Variants in MRTFB observed in about 807,000 individuals in gnomAD.
MRTFB encodes the protein myocardin-related transcription factor B.
MRTFB carries 29 observed loss-of-function variants against 104.2 expected under a neutral mutation model. That is an observed-to-expected ratio of 0.28 (90% confidence interval 0.21 to 0.38). MRTFB has a LOEUF of 0.38. MRTFB is among the 10% of genes least tolerant of loss of function. MRTFB has a pLI of 1.00. For synonymous variants in MRTFB, 535 were observed against 519.5 expected (o/e 1.03, Z -0.41); for missense variants, 1,270 against 1,341.6 (o/e 0.95, Z 0.83).
intron 2 of MRTFB, among the ~76,000 whole-genome samples, chr16:14,115,726 T>G (rs1329359299): frequency 6.6e-6 from 1 of 152,218 alleles, no homozygotes; most frequent in Non-Finnish European, 1.5e-5. Flanking sequence ...ATTCTGATTT[T>G]GCTGCGTATA....
chr16:14,193,078 G>A (rs1014609043), intron 3 of MRTFB, among the ~76,000 whole-genome samples: 1 of 151,790 alleles, frequency 6.6e-6, no homozygotes, highest in African/African-American at 2.4e-5. Context: ...CAGAAAGAGC[G>A]CAGCCTTGCT....
chr16:14,000,838 C>T, the MRTFB span, among the ~76,000 whole-genome samples: 1 of 152,246 alleles, frequency 6.6e-6, no homozygotes, highest in Admixed American at 6.5e-5. Flanking sequence ...GCTGGGACGA[C>T]ACAGTGTCAA....
Position 14,189,386 on chromosome 16 carries a change from G to T in MRTFB, c.155-20857G>T, listed in dbSNP as rs551081231. Among the ~76,000 whole-genome samples the T allele has an allele frequency of 2.1e-4, 32 of 152,136 alleles. No individual in the cohort carries two copies. In the South Asian group the frequency reaches 5.4e-3, roughly 26 times the overall value. On this transcript the variant is annotated intron_variant, in intron 3 of 16. Coordinates refer to ENST00000571589, the MANE Select transcript of MRTFB (RefSeq NM_001308142.2). ...TTACTTTATCTGCTTTTAAATATTG[G>T]GTCCTGCATCGTTTACATGAATCCA... is the stretch of plus-strand genomic sequence containing the variant.
chr16:14,242,184 C>G (rs1394327018), intron 10 of MRTFB, among the ~76,000 whole-genome samples: 1 of 152,018 alleles, frequency 6.6e-6, no homozygotes, highest in Non-Finnish European at 1.5e-5. Flanking sequence ...TTGAAACAGT[C>G]TTTTCTGTAA....
intron 3 of MRTFB, among the ~76,000 whole-genome samples, chr16:14,201,987 G>A (rs549044617): frequency 6.6e-6 from 1 of 152,142 alleles, no homozygotes; most frequent in Admixed American, 6.5e-5. Flanking sequence ...AGCAGATTAT[G>A]TTGTGAATGT....
chr16:14,247,080 G>T lies in MRTFB; in HGVS notation c.1820G>T (p.Arg607Leu). Reference sequence around the variant, plus strand: ...AAAATGCAACTTGAGGTTGAAAAACGAGGGCAGCAGCAGCGGCCCCTGGAA... The same window carrying T: ...AAAATGCAACTTGAGGTTGAAAAACTAGGGCAGCAGCAGCGGCCCCTGGAA... ...VLKMQLEVEK[R>L]GQQQRPLEAQ... The change falls in exon 12 of 17, where the codon CGA becomes CTA. Residue 607 changes from arginine to leucine, a missense_variant. Physicochemically the swap from Arg to Leu is moderately radical, Grantham distance 102. This residue lies in a region of MRTFB where 1,144 missense variants were observed against 1,131.5 expected (regional missense o/e 1.01). Coordinates refer to ENST00000571589, the MANE Select transcript of MRTFB (RefSeq NM_001308142.2). 6.2e-7 allele frequency: 1 copy of T among 1,614,190 alleles called. No homozygotes were observed. Among genetic ancestry groups the T allele is most frequent in the East Asian group, 2.2e-5 (1 of 44,886 alleles).
At chr16:14,016,231 A>G in the MRTFB span, among the ~76,000 whole-genome samples, 8 of 152,114 alleles carry the variant, frequency 5.3e-5, no homozygotes, top group African/African-American at 1.9e-4. Flanking sequence ...GTCATCTCGG[A>G]TGTGAAAGCT....
intron 2 of MRTFB, among the ~76,000 whole-genome samples, chr16:14,099,105 T>C (rs948298658): frequency 8.5e-5 from 13 of 152,202 alleles, no homozygotes; most frequent in Non-Finnish European, 1.5e-4. Flanking sequence ...TTTCAAGTTA[T>C]ACAAAACAGC....
rs183132106 is a variant in MRTFB at position 14,220,954 on chromosome 16, C to T, written c.693+1956C>T. Reference sequence around the variant, plus strand: ...CTTAAAATTGTGGCCTTCATGAAACCCCCTTGTATTAAGTGTTCTAGTATT... The same window carrying T: ...CTTAAAATTGTGGCCTTCATGAAACTCCCTTGTATTAAGTGTTCTAGTATT... On this transcript the variant is annotated intron_variant, in intron 8 of 16. Coordinates refer to ENST00000571589, the MANE Select transcript of MRTFB (RefSeq NM_001308142.2). 5.1e-4 allele frequency among the ~76,000 whole-genome samples: 78 copies of T among 152,200 alleles called. 1 individual carries two copies. The highest frequency in any genetic ancestry group is 1.8e-3 in the African/African-American group (73 of 41,532).
chr16:14,164,770 T>C (rs1567405083), intron 3 of MRTFB, among the ~76,000 whole-genome samples: 1 of 152,168 alleles, frequency 6.6e-6, no homozygotes, highest in East Asian at 1.9e-4. Context: ...TTTGAGAGAT[T>C]TGGAAACCCA....
chr16:14,046,817 T>C, the MRTFB span, among the ~76,000 whole-genome samples: 1 of 152,230 alleles, frequency 6.6e-6, no homozygotes, highest in African/African-American at 2.4e-5. Context: ...CATAAATTAA[T>C]TACTTCATTA....
the MRTFB span, among the ~76,000 whole-genome samples, chr16:13,998,783 T>C: frequency 7.0e-6 from 1 of 143,850 alleles, no homozygotes; most frequent in African/African-American, 2.6e-5. Flanking sequence ...AATATTGGCC[T>C]GTTTCTTAAG....
the MRTFB span, among the ~76,000 whole-genome samples, chr16:14,024,240 A>G: frequency 6.6e-6 from 1 of 152,200 alleles, no homozygotes; most frequent in Non-Finnish European, 1.5e-5. Flanking sequence ...GAGCTTCATC[A>G]GAGCTATTTT....
intron 2 of MRTFB, among the ~76,000 whole-genome samples, chr16:14,127,536 C>T (rs1260183015): frequency 1.3e-5 from 2 of 150,480 alleles, no homozygotes; most frequent in Non-Finnish European, 2.9e-5. Flanking sequence ...CCCAGCTACT[C>T]AGGAGGCTGA....
intron 8 of MRTFB, among the ~76,000 whole-genome samples, chr16:14,232,197 A>T (rs891421354): frequency 6.6e-6 from 1 of 152,248 alleles, no homozygotes; most frequent in East Asian, 1.9e-4. Context: ...TATGCAAAGA[A>T]ATCTATATAG....
intron 15 of MRTFB, among the ~76,000 whole-genome samples, chr16:14,256,110 CAAAAAAA>C (rs201182839): frequency 2.7e-5 from 2 of 73,436 alleles, no homozygotes; most frequent in Admixed American, 1.6e-4. Flanking sequence ...GAGACTGTCT[CAAAAAAA>C]AAAAAAAGAA....
chr16:14,157,236 A>C (rs549146908), intron 3 of MRTFB, among the ~76,000 whole-genome samples: 1 of 152,342 alleles, frequency 6.6e-6, no homozygotes, highest in African/African-American at 2.4e-5. Flanking sequence ...TGTCCAGTCA[A>C]ATCTTCACAA....
chr16:14,223,407 G>A (rs1442465011), intron 8 of MRTFB, among the ~76,000 whole-genome samples: 3 of 151,854 alleles, frequency 2.0e-5, no homozygotes, highest in Non-Finnish European at 2.9e-5. Flanking sequence ...CTGCCCTACT[G>A]GACAAAGACT....
intron 2 of MRTFB, among the ~76,000 whole-genome samples, chr16:14,081,281 C>T (rs2034380422): frequency 1.4e-5 from 2 of 142,672 alleles, no homozygotes; most frequent in Admixed American, 7.0e-5. Context: ...GCTGGCTATT[C>T]GTATGCTGCC....
Sources: allele counts gnomAD v4.1 joint callset (sites outside exome capture counted in the v4.1 genomes callset), GRCh38; gene constraint gnomAD v4.1.1; regional missense constraint gnomAD v4.1.1; transcripts MANE v1.5; gene names NCBI Gene and HGNC (gene_info 2026-07-23, HGNC 2026-07-21).